The following TRPM3 variants were observed in gnomAD, a reference collection of about 807,000 sequenced individuals.
TRPM3 encodes the protein long transient receptor potential channel 3.
A neutral mutation model predicts 181.2 loss-of-function variants in TRPM3; 77 were observed. That is an observed-to-expected ratio of 0.42 (90% CI 0.35 to 0.51). The LOEUF is 0.51. Ranked by LOEUF, TRPM3 falls within the 20% of genes least tolerant of loss-of-function variation. The pLI is 0.01. For missense variants in TRPM3, 1,759 were observed against 2,196.7 expected, an observed-to-expected ratio of 0.80 and a Z score of 3.98; for synonymous variants, 745 against 796.4, an observed-to-expected ratio of 0.94 and a Z score of 1.09.
At chr9:71,191,790 A>T (rs7847648) in intron 1 of TRPM3, among the ~76,000 whole-genome samples, 63,814 of 111,694 alleles carry the variant, frequency 0.57, 14,009 homozygotes, top group South Asian at 0.65. Context: ...AACAGAACAT[A>T]TAAAAAAAAA....
In TRPM3 at chr9:70,531,442, T is replaced by C. The variant is rs2040863127; in HGVS notation, c.*4511A>G. The C allele has an allele frequency of 6.6e-6, 1 of 152,180 alleles. No homozygotes were observed. The highest frequency in any genetic ancestry group is 2.4e-5 in the African/African-American group (1 of 41,440). The allele number at this position is 152,180 out of a possible 1,614,324, so 9.4% of individuals were successfully genotyped here. ...AGGCAATAGTAAAATGTTAAGTGCC[T>C]TAGAAAAGTCAAAAGAAATGCATAA... On this transcript the variant is annotated 3_prime_UTR_variant, in exon 26 of 26. Coordinates refer to ENST00000677713, the MANE Select transcript of TRPM3 (RefSeq NM_001366145.2).
At chr9:71,015,781 A>G (rs2097779327) in intron 1 of TRPM3, among the ~76,000 whole-genome samples, 1 of 152,200 alleles carries the variant, frequency 6.6e-6, no homozygotes, top group African/African-American at 2.4e-5. Flanking sequence ...TATTCATTAA[A>G]GATTTTGGAT....
intron 1 of TRPM3, among the ~76,000 whole-genome samples, chr9:71,242,418 A>C (rs984624650): frequency 2.0e-5 from 3 of 152,212 alleles, no homozygotes; most frequent in Non-Finnish European, 4.4e-5. Context: ...TAGATGGTGA[A>C]AACAATCTGT....
At chr9:70,839,216 C>T (rs1325447470) in intron 5 of TRPM3, among the ~76,000 whole-genome samples, 2 of 152,128 alleles carry the variant, frequency 1.3e-5, no homozygotes, top group Admixed American at 1.3e-4. Context: ...TCATCATGCC[C>T]AATCCATCTT....
intron 8 of TRPM3, among the ~76,000 whole-genome samples, chr9:70,753,276 T>A (rs2076507611): frequency 6.6e-6 from 1 of 151,986 alleles, no homozygotes; most frequent in African/African-American, 2.4e-5. Flanking sequence ...AGCCCCAAAC[T>A]GAGAAAATGT....
chr9:70,685,963 G>A (rs2134321899), intron 8 of TRPM3, among the ~76,000 whole-genome samples: 1 of 150,698 alleles, frequency 6.6e-6, no homozygotes, highest in South Asian at 2.1e-4. Flanking sequence ...ATATTACAGT[G>A]GATTTATATA....
intron 1 of TRPM3, among the ~76,000 whole-genome samples, chr9:71,426,655 A>G (rs569362403): frequency 5.3e-5 from 8 of 152,200 alleles, no homozygotes; most frequent in African/African-American, 1.9e-4. Flanking sequence ...TTGCATATTT[A>G]TTTTCCACTG....
chr9:71,266,325 A>G (rs1033351751), intron 1 of TRPM3, among the ~76,000 whole-genome samples: 73 of 152,282 alleles, frequency 4.8e-4, no homozygotes, highest in African/African-American at 1.7e-3. Flanking sequence ...TAATTTTTAT[A>G]TCATGAGGGA....
chr9:70,902,643 A>T (rs2096402848), intron 1 of TRPM3, among the ~76,000 whole-genome samples: 1 of 152,174 alleles, frequency 6.6e-6, no homozygotes, highest in African/African-American at 2.4e-5. Context: ...AGCAAAAAAA[A>T]CAAGCCATGC....
At chr9:70,931,803 T>C (rs1357864524) in intron 1 of TRPM3, among the ~76,000 whole-genome samples, 7 of 152,202 alleles carry the variant, frequency 4.6e-5, no homozygotes, top group Admixed American at 1.3e-4. Flanking sequence ...TTCTAGACTA[T>C]GAGCATATAA....
At chr9:70,697,530 A>G (rs1319099698) in intron 8 of TRPM3, among the ~76,000 whole-genome samples, 1 of 152,118 alleles carries the variant, frequency 6.6e-6, no homozygotes, top group East Asian at 1.9e-4. Context: ...GTTGCTAACT[A>G]CTCCAGGGTC....
intron 1 of TRPM3, among the ~76,000 whole-genome samples, chr9:70,962,532 G>A (rs1405477783): frequency 3.9e-5 from 6 of 152,092 alleles, no homozygotes; most frequent in Admixed American, 2.0e-4. Flanking sequence ...TGGTAAGGAC[G>A]GAATGAGATG....
chr9:70,869,498 GT>G (rs2132538354), intron 1 of TRPM3, among the ~76,000 whole-genome samples: 1 of 152,072 alleles, frequency 6.6e-6, no homozygotes, highest in East Asian at 1.9e-4. Context: ...AAGCGGCATT[GT>G]TCCACCATCC....
chr9:70,978,785 A>C (rs1564890806), intron 1 of TRPM3, among the ~76,000 whole-genome samples: 1 of 152,194 alleles, frequency 6.6e-6, no homozygotes, highest in Non-Finnish European at 1.5e-5. Context: ...AGTGGGTCTC[A>C]TGGCTACACA....
intron 1 of TRPM3, among the ~76,000 whole-genome samples, chr9:71,175,685 C>T (rs770440952): frequency 2.0e-5 from 3 of 152,056 alleles, no homozygotes; most frequent in African/African-American, 2.4e-5. Flanking sequence ...AGGTGACAGA[C>T]GGGTCGCATA....
intron 25 of TRPM3, among the ~76,000 whole-genome samples, chr9:70,538,718 G>A (rs2042447944): frequency 6.6e-6 from 1 of 152,146 alleles, no homozygotes; most frequent in Non-Finnish European, 1.5e-5. Flanking sequence ...GTGAACCCTG[G>A]AAATTCTTAG....
At chr9:71,220,553 C>A (rs1342198378) in intron 1 of TRPM3, among the ~76,000 whole-genome samples, 2 of 151,956 alleles carry the variant, frequency 1.3e-5, no homozygotes, top group Non-Finnish European at 2.9e-5. Flanking sequence ...ACATTCAGGA[C>A]CTTCATGGGA....
At chr9:70,557,662 A>C (rs543029850) in intron 22 of TRPM3, among the ~76,000 whole-genome samples, 4 of 152,304 alleles carry the variant, frequency 2.6e-5, no homozygotes, top group African/African-American at 9.6e-5. Flanking sequence ...CCCCCGGGAC[A>C]TGCACCCAAG....
intron 1 of TRPM3, among the ~76,000 whole-genome samples, chr9:71,393,926 G>A (rs891954274): frequency 2.5e-4 from 38 of 152,210 alleles, no homozygotes; most frequent in Admixed American, 7.2e-4. Context: ...CATAGTCCGG[G>A]ATTTATATTC....
Sources: allele counts gnomAD v4.1 joint callset (sites outside exome capture counted in the v4.1 genomes callset), GRCh38; gene constraint gnomAD v4.1.1; transcripts MANE v1.5; gene names NCBI Gene and HGNC (gene_info 2026-07-23, HGNC 2026-07-21).